Variants in SPATA9 observed in about 807,000 individuals in gnomAD.
SPATA9 encodes spermatogenesis associated 9, also known as spermatogenesis-associated protein 9.
Under a neutral mutation model 25.5 loss-of-function variants are expected in SPATA9, and 27 were observed. The observed-to-expected ratio is 1.06, with a 90% CI of 0.78 to 1.46. SPATA9 has a LOEUF of 1.46. Among genes scored for constraint, SPATA9 ranks in the 40% most tolerant of loss-of-function variants. The probability of loss-of-function intolerance (pLI) is 0.00; values close to 1 mark genes in which losing one functional copy is unlikely to be tolerated. For missense variants in SPATA9, 282 were observed against 297.5 expected, an observed-to-expected ratio of 0.95 and a Z score of 0.38; for synonymous variants, 102 against 105.7, an observed-to-expected ratio of 0.97 and a Z score of 0.21.
upstream of SPATA9, among the ~76,000 whole-genome samples, chr5:95,686,592 CAGA>C (rs1341699220): frequency 1.8e-4 from 28 of 152,184 alleles, no homozygotes; most frequent in African/African-American, 6.8e-4. Context: ...ATCGAGCGTG[CAGA>C]AGAAGTCTCA....
chr5:95,675,316 C>G, intron 3 of SPATA9, 96 bp downstream of exon 3: 1 of 990,528 alleles, frequency 1.0e-6, no homozygotes. Context: ...CTGTTTTACA[C>G]TGGACAATCA....
intron 3 of SPATA9, among the ~76,000 whole-genome samples, chr5:95,665,035 A>G (rs1751639184): frequency 6.6e-6 from 1 of 152,234 alleles, no homozygotes; most frequent in Non-Finnish European, 1.5e-5. Flanking sequence ...GTGGTATATT[A>G]TGCAATCTTT....
At chr5:95,669,442 A>G (rs1052273571) in intron 3 of SPATA9, among the ~76,000 whole-genome samples, 2 of 152,162 alleles carry the variant, frequency 1.3e-5, no homozygotes, top group African/African-American at 2.4e-5. Context: ...TTACATAGGT[A>G]AGTTTCTGAT....
chr5:95,670,053 C>T (rs1240453850), intron 3 of SPATA9, among the ~76,000 whole-genome samples: 2 of 152,180 alleles, frequency 1.3e-5, no homozygotes, highest in Admixed American at 6.5e-5. Flanking sequence ...ATGTCTCAGG[C>T]CATTAGAATC....
chr5:95,705,487 T>C, the SPATA9 span, among the ~76,000 whole-genome samples: 1 of 152,208 alleles, frequency 6.6e-6, no homozygotes, highest in Non-Finnish European at 1.5e-5. Context: ...AACAAAAAGT[T>C]CTCTGATTTT....
chr5:95,653,991 G>T, downstream of SPATA9: 1 of 1,302,606 alleles, frequency 7.7e-7, no homozygotes, highest in Admixed American at 2.0e-5. Flanking sequence ...CATTCTTAGG[G>T]TTATCTCCAT....
chr5:95,722,298 TAG>T, the SPATA9 span, among the ~76,000 whole-genome samples: 66 of 152,172 alleles, frequency 4.3e-4, no homozygotes, highest in African/African-American at 1.5e-3. Context: ...TTTAATATAT[TAG>T]AGTTTGTTGG....
At chr5:95,729,435 G>T in the SPATA9 span, among the ~76,000 whole-genome samples, 1 of 152,012 alleles carries the variant, frequency 6.6e-6, no homozygotes, top group Admixed American at 6.5e-5. Context: ...AGCAACTTTG[G>T]TGTCTATTTT....
chr5:95,682,242 A>G (rs1175788414), intron 2 of SPATA9, among the ~76,000 whole-genome samples: 2 of 152,152 alleles, frequency 1.3e-5, no homozygotes, highest in South Asian at 4.1e-4. Context: ...TTCTGATTTT[A>G]CATTGCAATT....
chr5:95,708,704 C>T, the SPATA9 span: 1 of 690,660 alleles, frequency 1.4e-6, no homozygotes. Flanking sequence ...ACACTTTCTG[C>T]TCCTATGACC....
chr5:95,684,940 CAGA>C (rs1753702456), upstream of SPATA9, among the ~76,000 whole-genome samples: 1 of 152,074 alleles, frequency 6.6e-6, no homozygotes, highest in Non-Finnish European at 1.5e-5. Context: ...GGCTTTAATA[CAGA>C]AGAACAGAAC....
the SPATA9 span, chr5:95,731,771 C>A: frequency 1.9e-6 from 3 of 1,603,976 alleles, no homozygotes; most frequent in Middle Eastern, 1.6e-4. Context: ...ATCCTCGCCG[C>A]GCGCTGTCCC....
intron 1 of SPATA9, among the ~76,000 whole-genome samples, chr5:95,696,549 C>G (rs1754026617): frequency 6.6e-6 from 1 of 152,154 alleles, no homozygotes; most frequent in Non-Finnish European, 1.5e-5. Context: ...TTCCAGATAA[C>G]AGTGGGCATT....
At chr5:95,666,637 C>A (rs1751833347) in intron 3 of SPATA9, among the ~76,000 whole-genome samples, 1 of 151,988 alleles carries the variant, frequency 6.6e-6, no homozygotes, top group East Asian at 1.9e-4. Context: ...TGATTGATTC[C>A]ATTTATATAA....
chr5:95,658,263 T>A (rs915587763), downstream of SPATA9, among the ~76,000 whole-genome samples: 24 of 152,016 alleles, frequency 1.6e-4, no homozygotes, highest in African/African-American at 5.8e-4. Context: ...TGCACCATCT[T>A]GATGGGGCTT....
chr5:95,731,925 G>A, the SPATA9 span: 2 of 1,614,144 alleles, frequency 1.2e-6, no homozygotes, highest in Non-Finnish European at 1.7e-6. Context: ...GGCCGTCGGG[G>A]CTTATCCGCA....
intron 4 of SPATA9, among the ~76,000 whole-genome samples, chr5:95,661,741 G>C (rs557329301): frequency 6.6e-6 from 1 of 152,124 alleles, no homozygotes; most frequent in East Asian, 1.9e-4. Flanking sequence ...TTAAAAGTAA[G>C]TTCTACCTTT....
chr5:95,709,325 A>G, the SPATA9 span, among the ~76,000 whole-genome samples: 1 of 152,356 alleles, frequency 6.6e-6, no homozygotes, highest in South Asian at 2.1e-4. Context: ...TAGGCAAGAT[A>G]GGTGGCGCCT....
At chr5:95,686,081 A>T (rs1463881391), upstream of SPATA9, among the ~76,000 whole-genome samples, 1 of 152,098 alleles carries the variant, frequency 6.6e-6, no homozygotes. Context: ...CAGGTGATCC[A>T]CCCACTTCAG....
Sources: gnomAD v4.1 joint callset for allele counts (sites outside exome capture counted in the v4.1 genomes callset) on GRCh38, gnomAD v4.1.1 for gene constraint, MANE v1.5 for transcripts, NCBI Gene and HGNC (gene_info 2026-07-23, HGNC 2026-07-21) for gene names.